The following STEAP1B variants were observed in gnomAD, a reference collection of about 807,000 sequenced individuals.
STEAP1B encodes STEAP family protein MGC87042.
STEAP1B carries 13 observed loss-of-function variants against 27.9 expected under a neutral mutation model. That is an observed-to-expected ratio of 0.47 (90% CI 0.30 to 0.74). The LOEUF is 0.74. STEAP1B is among the 30% of genes least tolerant of loss of function. The pLI is 0.06. For missense variants in STEAP1B, 250 were observed against 298.7 expected (o/e 0.84, Z 1.20); for synonymous variants, 86 against 107.1 (o/e 0.80, Z 1.22).
chr7:22,458,110 T>A (rs1785617667), intron 4 of STEAP1B, among the ~76,000 whole-genome samples: 1 of 152,096 alleles, frequency 6.6e-6, no homozygotes, highest in African/African-American at 2.4e-5. Flanking sequence ...GAAGAAAAAA[T>A]TACATCATTT....
intron 4 of STEAP1B, among the ~76,000 whole-genome samples, chr7:22,482,816 C>G (rs1786106196): frequency 1.3e-5 from 2 of 152,182 alleles, no homozygotes; most frequent in Admixed American, 1.3e-4. Flanking sequence ...CTCTCCCCAC[C>G]CTACACACAC....
chr7:22,424,654 A>G (rs1785084192), intron 4 of STEAP1B, among the ~76,000 whole-genome samples: 1 of 152,182 alleles, frequency 6.6e-6, no homozygotes, highest in South Asian at 2.1e-4. Context: ...CTAGCTTAAG[A>G]AAATAATTTA....
chr7:22,438,308 T>G (rs1290604079), intron 4 of STEAP1B: 1 of 698,368 alleles, frequency 1.4e-6, no homozygotes, highest in African/African-American at 1.8e-5. Context: ...TCCTATGCAG[T>G]TTTTCGCACT....
chr7:22,453,572 T>C (rs1785524608), intron 4 of STEAP1B, among the ~76,000 whole-genome samples: 1 of 152,234 alleles, frequency 6.6e-6, no homozygotes, highest in Admixed American at 6.5e-5. Flanking sequence ...AAGTTTTAGT[T>C]CTAAAATTAG....
At chr7:22,474,313 A>C (rs112840339) in intron 4 of STEAP1B, among the ~76,000 whole-genome samples, 1,751 of 152,244 alleles carry the variant, frequency 0.012, 14 homozygotes, top group Middle Eastern at 0.031. Context: ...TCATCTGAGG[A>C]GTTTGCTAAA....
At chr7:22,491,040 C>A (rs1786312573) in intron 4 of STEAP1B, among the ~76,000 whole-genome samples, 1 of 152,202 alleles carries the variant, frequency 6.6e-6, no homozygotes, top group African/African-American at 2.4e-5. Context: ...TTAAAATAAT[C>A]TAGATTATTG....
chr7:22,454,863 A>ATT (rs781613900), intron 4 of STEAP1B, among the ~76,000 whole-genome samples: 12 of 75,118 alleles, frequency 1.6e-4, no homozygotes, highest in African/African-American at 5.2e-4. Flanking sequence ...ATATATATAT[A>ATT]TATTTTTTTT....
intron 4 of STEAP1B, among the ~76,000 whole-genome samples, chr7:22,421,544 C>T (rs563756134): frequency 2.0e-5 from 3 of 152,332 alleles, no homozygotes; most frequent in African/African-American, 7.2e-5. Context: ...TTTGGGGTTT[C>T]TCCCTGTTGC....
intron 4 of STEAP1B, among the ~76,000 whole-genome samples, chr7:22,460,538 G>A (rs1265902854): frequency 2.0e-5 from 3 of 152,114 alleles, no homozygotes; most frequent in African/African-American, 7.2e-5. Context: ...GCTGGGGAGC[G>A]GGCCATCAGG....
intron 4 of STEAP1B, among the ~76,000 whole-genome samples, chr7:22,460,866 A>G (rs1292991209): frequency 6.6e-6 from 1 of 152,224 alleles, no homozygotes; most frequent in Non-Finnish European, 1.5e-5. Flanking sequence ...ATGCATGTGT[A>G]TACATGTATA....
intron 4 of STEAP1B, among the ~76,000 whole-genome samples, chr7:22,473,655 G>A (rs996741918): frequency 1.3e-5 from 2 of 152,182 alleles, no homozygotes; most frequent in African/African-American, 2.4e-5. Flanking sequence ...CAGAGACGAC[G>A]AACTGGTAGT....
At chr7:22,499,726 T>A (rs1328613982) in intron 1 of STEAP1B, among the ~76,000 whole-genome samples, 3 of 152,228 alleles carry the variant, frequency 2.0e-5, no homozygotes, top group African/African-American at 7.2e-5. Context: ...CGATTTTAAG[T>A]ACTGTGCACC....
intron 4 of STEAP1B, among the ~76,000 whole-genome samples, chr7:22,475,307 C>T (rs1406074387): frequency 6.6e-6 from 1 of 152,196 alleles, no homozygotes. Flanking sequence ...GGACTAGAGG[C>T]GCCACACACT....
At chr7:22,443,178 T>G (rs910295322) in intron 4 of STEAP1B, among the ~76,000 whole-genome samples, 1 of 152,208 alleles carries the variant, frequency 6.6e-6, no homozygotes, top group African/African-American at 2.4e-5. Context: ...ACAACTCTGT[T>G]CTACCATCTG....
intron 4 of STEAP1B, among the ~76,000 whole-genome samples, chr7:22,468,846 T>A (rs574691680): frequency 6.6e-6 from 1 of 152,354 alleles, no homozygotes; most frequent in African/African-American, 2.4e-5. Context: ...ATTATTCACG[T>A]GTTTGTTGTG....
chr7:22,479,672 T>C (rs2128413183), intron 4 of STEAP1B, among the ~76,000 whole-genome samples: 1 of 145,088 alleles, frequency 6.9e-6, no homozygotes, highest in Non-Finnish European at 1.5e-5. Context: ...CCACTAGTCA[T>C]GTGTGGCTTT....
chr7:22,457,409 G>C (rs1785605504), intron 4 of STEAP1B, among the ~76,000 whole-genome samples: 2 of 152,176 alleles, frequency 1.3e-5, no homozygotes, highest in Non-Finnish European at 2.9e-5. Flanking sequence ...TGCACCCTGA[G>C]AGTGCCACAC....
chr7:22,435,187 G>A (rs1562566941), intron 4 of STEAP1B, among the ~76,000 whole-genome samples: 1 of 152,008 alleles, frequency 6.6e-6, no homozygotes, highest in Non-Finnish European at 1.5e-5. Flanking sequence ...AATGTGAATG[G>A]CCAATGAACC....
At chr7:22,424,068 T>C (rs3094972) in intron 4 of STEAP1B, among the ~76,000 whole-genome samples, 114,105 of 151,782 alleles carry the variant, frequency 0.75, 43,463 homozygotes, top group East Asian at 0.86. Context: ...ATTTATGGTA[T>C]GCAAGTTATA....
Sources: allele counts gnomAD v4.1 joint callset (sites outside exome capture counted in the v4.1 genomes callset), GRCh38; gene constraint gnomAD v4.1.1; transcripts MANE v1.5; gene names NCBI Gene and HGNC (gene_info 2026-07-23, HGNC 2026-07-21).